The following NRG3 variants were observed in gnomAD, a reference collection of about 807,000 sequenced individuals.
NRG3 encodes the protein neuregulin 3, also known as pro-neuregulin-3, membrane-bound isoform.
Under a neutral mutation model 66.9 loss-of-function variants are expected in NRG3, and 31 were observed. The observed-to-expected ratio is 0.46, with a 90% CI of 0.35 to 0.63. NRG3 has a LOEUF of 0.63. Ranked by LOEUF, NRG3 falls within the 20% of genes least tolerant of loss-of-function variation. The pLI is 0.00. For missense variants in NRG3, 910 were observed against 878.9 expected (o/e 1.04, Z -0.45); for synonymous variants, 393 against 359.4 (o/e 1.09, Z -1.06).
intron 2 of NRG3, among the ~76,000 whole-genome samples, chr10:82,487,989 A>G (rs1842821711): frequency 6.6e-6 from 1 of 152,200 alleles, no homozygotes; most frequent in African/African-American, 2.4e-5. Context: ...AGCCCTAACA[A>G]TTATATTGTA....
At chr10:82,328,676 A>G (rs1451926325) in intron 1 of NRG3, among the ~76,000 whole-genome samples, 1 of 152,168 alleles carries the variant, frequency 6.6e-6, no homozygotes, top group African/African-American at 2.4e-5. Context: ...TGATTTCAAG[A>G]TGCTGGGCCA....
At chr10:82,981,693 G>C (rs992376789) in intron 8 of NRG3, among the ~76,000 whole-genome samples, 9 of 152,122 alleles carry the variant, frequency 5.9e-5, no homozygotes, top group African/African-American at 2.2e-4. Context: ...TTGTAGCCTG[G>C]GGAAGGAGTG....
intron 4 of NRG3, among the ~76,000 whole-genome samples, chr10:82,918,343 A>G (rs574111916): frequency 2.6e-5 from 4 of 152,262 alleles, no homozygotes; most frequent in African/African-American, 9.6e-5. Flanking sequence ...TCCTCACTAG[A>G]AGACTGTCAG....
At chr10:82,383,783 T>C (rs765644157) in intron 2 of NRG3, among the ~76,000 whole-genome samples, 77 of 152,064 alleles carry the variant, frequency 5.1e-4, no homozygotes, top group Non-Finnish European at 7.7e-4. Flanking sequence ...GATTTTAGAA[T>C]GAGGAAGAAT....
chr10:82,057,141 T>C (rs962461445), intron 1 of NRG3, among the ~76,000 whole-genome samples: 9 of 152,156 alleles, frequency 5.9e-5, no homozygotes, highest in Non-Finnish European at 1.0e-4. Context: ...CATCACCCCT[T>C]ATATGTGTAC....
At chr10:82,843,077 G>A (rs981271245) in intron 3 of NRG3, among the ~76,000 whole-genome samples, 36 of 152,140 alleles carry the variant, frequency 2.4e-4, no homozygotes, top group African/African-American at 8.4e-4. Context: ...ATTGACTATA[G>A]ATAACTGAAG....
rs528328745 is a variant in NRG3 at position 82,456,130 on chromosome 10, T to C, written c.953+97262T>C. On this transcript the variant is annotated intron_variant, in intron 2 of 8. Coordinates refer to ENST00000372141, the MANE Select transcript of NRG3 (RefSeq NM_001010848.4). ...AGCTTTTTACTATTTAAAATATTTT[T>C]CTGTCACTTTTTTTTTTTTTTTTTT... 8.3e-5 allele frequency among the ~76,000 whole-genome samples: 12 copies of C among 143,780 alleles called. No individual in the cohort carries two copies. The East Asian group carries it at 2.6e-3, about 31-fold the overall frequency. 94.3% of individuals were successfully genotyped at this position (143,780 alleles called of 152,430 possible). A position where few individuals can be genotyped will look rare whatever the true frequency, so the allele number is the denominator to read the frequency against.
chr10:82,817,522 C>T (rs1260890984), intron 3 of NRG3, among the ~76,000 whole-genome samples: 1 of 152,102 alleles, frequency 6.6e-6, no homozygotes, highest in Non-Finnish European at 1.5e-5. Context: ...GCTTTGTTTG[C>T]TTCTCTTACC....
intron 1 of NRG3, among the ~76,000 whole-genome samples, chr10:82,317,259 G>A (rs931245039): frequency 6.6e-6 from 1 of 150,488 alleles, no homozygotes; most frequent in Non-Finnish European, 1.5e-5. Flanking sequence ...TGATACAACA[G>A]TAATCTAGTT....
intron 2 of NRG3, among the ~76,000 whole-genome samples, chr10:82,401,032 A>G (rs537802835): frequency 2.0e-4 from 30 of 152,200 alleles, no homozygotes; most frequent in Non-Finnish European, 4.1e-4. Context: ...GAGACTCAGT[A>G]CTAATGGCAA....
intron 1 of NRG3, among the ~76,000 whole-genome samples, chr10:82,327,329 T>C (rs2081925125): frequency 6.6e-6 from 1 of 152,168 alleles, no homozygotes; most frequent in African/African-American, 2.4e-5. Context: ...TGGTACCAGA[T>C]TTTTCTGTGT....
intron 1 of NRG3, among the ~76,000 whole-genome samples, chr10:82,034,315 CA>C (rs1354237586): frequency 2.1e-5 from 3 of 143,408 alleles, no homozygotes; most frequent in Non-Finnish European, 4.6e-5. Context: ...ATCCTTATTT[CA>C]GATGATTCTT....
chr10:81,876,718 G>A lies in NRG3; in HGVS notation c.823+555G>A, dbSNP rs548493828. 4.0e-4 allele frequency among the ~76,000 whole-genome samples: 61 copies of A among 152,302 alleles called. 1 individual carries two copies. In the South Asian group the frequency reaches 0.013, roughly 32 times the overall value. On this transcript the variant is annotated intron_variant, in intron 1 of 8. Transcript: ENST00000372141. ...GGACGCTTCCAGCAGCCCTGACCTG[G>A]GCAGGAACCAGAAAGGGTTAATTAG...
intron 2 of NRG3, among the ~76,000 whole-genome samples, chr10:82,521,995 T>G (rs1846233405): frequency 6.6e-6 from 1 of 152,066 alleles, no homozygotes; most frequent in African/African-American, 2.4e-5. Flanking sequence ...ACTCTAGTTT[T>G]GTTGCAGTTT....
At chr10:82,473,457 G>A (rs1034620483) in intron 2 of NRG3, among the ~76,000 whole-genome samples, 7 of 152,126 alleles carry the variant, frequency 4.6e-5, no homozygotes, top group African/African-American at 1.7e-4. Flanking sequence ...ATGGCAACAT[G>A]AAAACAAACA....
Position 82,691,956 on chromosome 10 carries a change from C to T in NRG3, c.954-46621C>T, listed in dbSNP as rs1310625572. 2.0e-5 allele frequency among the ~76,000 whole-genome samples: 3 copies of T among 152,078 alleles called. No homozygotes were observed. In the East Asian group the frequency reaches 5.8e-4, roughly 29 times the overall value. ...TTCCTGGTAATTTGTGTTTTTTGAA[C>T]CAATAAGACTTACCCTAATAAAACA... On this transcript the variant is annotated intron_variant, in intron 2 of 8. Coordinates refer to ENST00000372141, the MANE Select transcript of NRG3 (RefSeq NM_001010848.4).
At position 82,119,336 on chromosome 10, in the gene NRG3, T is replaced by C. The variant is rs140556444; in HGVS notation, c.824-239403T>C. On this transcript the variant is annotated intron_variant, in intron 1 of 8. Coordinates refer to ENST00000372141, the MANE Select transcript of NRG3 (RefSeq NM_001010848.4). ...TGAAATTTGTCTCTCTCTTTCTTTC[T>C]CTATTGACTTATCTAGCTCCCTGAA... Among the ~76,000 whole-genome samples the C allele has an allele frequency of 5.3e-5, 8 of 152,280 alleles. No homozygotes were observed. In the East Asian group the frequency reaches 1.5e-3, roughly 29 times the overall value.
chr10:82,540,902 C>T (rs2043496988), intron 2 of NRG3, among the ~76,000 whole-genome samples: 1 of 152,038 alleles, frequency 6.6e-6, no homozygotes, highest in Non-Finnish European at 1.5e-5. Context: ...AGAGATAAGG[C>T]CTTTAAAGAT....
At chr10:82,632,753 G>A (rs1053223994) in intron 2 of NRG3, among the ~76,000 whole-genome samples, 6 of 152,142 alleles carry the variant, frequency 3.9e-5, no homozygotes, top group South Asian at 2.1e-4. Flanking sequence ...GTTCATTTAC[G>A]TTATTATTAA....
Sources: gnomAD v4.1 joint callset for allele counts (sites outside exome capture counted in the v4.1 genomes callset) on GRCh38, gnomAD v4.1.1 for gene constraint, MANE v1.5 for transcripts, NCBI Gene and HGNC (gene_info 2026-07-23, HGNC 2026-07-21) for gene names.